The following CRISPLD2 variants were observed in gnomAD, a reference collection of about 807,000 sequenced individuals.
CRISPLD2 encodes cysteine-rich secretory protein LCCL domain-containing 2.
In CRISPLD2, 47 loss-of-function variants were observed where a neutral mutation model predicts 71.1. That is an observed-to-expected ratio of 0.66 (90% CI 0.52 to 0.84). The LOEUF (loss-of-function observed/expected upper bound fraction) is 0.84, where lower values mean the gene tolerates loss of function less well. Among genes scored for constraint, CRISPLD2 ranks in the 40% least tolerant of loss-of-function variants. CRISPLD2 has a pLI of 0.00. For synonymous variants in CRISPLD2, 317 were observed against 250.1 expected (o/e 1.27, Z -2.52); for missense variants, 830 against 651.1 (o/e 1.27, Z -2.99).
intron 13 of CRISPLD2, among the ~76,000 whole-genome samples, chr16:84,882,050 A>G (rs865778405): frequency 1.3e-5 from 2 of 152,296 alleles, no homozygotes; most frequent in Middle Eastern, 3.4e-3. Flanking sequence ...TGAAGGAGTA[A>G]AATAATATTG....
At chr16:84,876,892 CTG>C (rs566278927) in intron 11 of CRISPLD2, among the ~76,000 whole-genome samples, 138 of 152,332 alleles carry the variant, frequency 9.1e-4, no homozygotes, top group African/African-American at 3.1e-3. Context: ...GTTTCCTTAC[CTG>C]TGTTGTTTAA....
chr16:84,847,791 C>T (rs1359552189), intron 3 of CRISPLD2, among the ~76,000 whole-genome samples: 1 of 152,172 alleles, frequency 6.6e-6, no homozygotes, highest in Non-Finnish European at 1.5e-5. Context: ...CGTAGTTTTA[C>T]AGCATTGAGA....
rs2071803435 is a variant in CRISPLD2, at chr16:84,906,490, G to A, written c.1440-98G>A. 2.4e-6 allele frequency: 3 copies of A among 1,258,454 alleles called. No individual in the cohort carries two copies. In the Admixed American group the frequency reaches 5.7e-5, roughly 24 times the overall value. 78.0% of individuals were successfully genotyped at this position (1,258,454 alleles called of 1,614,324 possible). On this transcript the variant is annotated intron_variant, in intron 14 of 14. Coordinates refer to ENST00000262424, the MANE Select transcript of CRISPLD2 (RefSeq NM_031476.4). ...TGGCCATGGCTCTTCCACTACGGGA[G>A]CAAGCAGGAGGCACCCAGGTCTCCC...
chr16:84,833,724 TG>T (rs1043561276), intron 1 of CRISPLD2, among the ~76,000 whole-genome samples: 2 of 151,942 alleles, frequency 1.3e-5, no homozygotes, highest in Admixed American at 6.6e-5. Flanking sequence ...CCGATGGTGG[TG>T]GGGGGGCGTG....
At chr16:84,868,966 G>T (rs1917618660) in intron 8 of CRISPLD2, 55 bp downstream of exon 8, 1 of 1,470,306 alleles carries the variant, frequency 6.8e-7, no homozygotes, top group African/African-American at 1.4e-5. Flanking sequence ...GTGCTGGGCT[G>T]TCCTACCACT....
chr16:84,860,664 T>A (rs1917354574), intron 6 of CRISPLD2, among the ~76,000 whole-genome samples: 1 of 152,218 alleles, frequency 6.6e-6, no homozygotes, highest in African/African-American at 2.4e-5. Context: ...AAAAGGTTTA[T>A]CAGCATTTAC....
intron 14 of CRISPLD2, among the ~76,000 whole-genome samples, chr16:84,892,912 G>A (rs557644100): frequency 6.7e-6 from 1 of 148,480 alleles, no homozygotes; most frequent in African/African-American, 2.5e-5. Context: ...GGAGGCGGAG[G>A]TTGCACTGAG....
chr16:84,900,095 C>T (rs1368364175), intron 14 of CRISPLD2, among the ~76,000 whole-genome samples: 2 of 152,160 alleles, frequency 1.3e-5, no homozygotes, highest in Admixed American at 1.3e-4. Context: ...TCTTTCTCCT[C>T]CTCTTGGTCC....
intron 13 of CRISPLD2, 133 bp downstream of exon 13, chr16:84,880,717 T>TAATC: frequency 1.7e-6 from 1 of 596,374 alleles, no homozygotes; most frequent in Non-Finnish European, 2.9e-6. Context: ...ATTAATTAAT[T>TAATC]AATTTCGAGA....
At chr16:84,825,956 CA>C (rs954892336) in intron 1 of CRISPLD2, among the ~76,000 whole-genome samples, 247 of 139,830 alleles carry the variant, frequency 1.8e-3, no homozygotes, top group Non-Finnish European at 2.2e-3. Context: ...GACCCTGTCT[CA>C]AAAAAAAAAA....
At chr16:84,897,218 A>T (rs2143372858) in intron 14 of CRISPLD2, among the ~76,000 whole-genome samples, 1 of 151,308 alleles carries the variant, frequency 6.6e-6, no homozygotes, top group Non-Finnish European at 1.5e-5. Flanking sequence ...CTGAGGTGGG[A>T]GGATCACATG....
chr16:84,850,859 G>A (rs965867894), intron 5 of CRISPLD2, among the ~76,000 whole-genome samples, 176 bp downstream of exon 5: 4 of 152,206 alleles, frequency 2.6e-5, no homozygotes, highest in East Asian at 1.9e-4. Flanking sequence ...ACAAGGACTC[G>A]GGTTCTTTCC....
chr16:84,835,080 T>C (rs1160448763), intron 1 of CRISPLD2, among the ~76,000 whole-genome samples: 1 of 151,876 alleles, frequency 6.6e-6, no homozygotes, highest in African/African-American at 2.4e-5. Context: ...GGCCCTTTTA[T>C]GGTTACTTTT....
chr16:84,897,645 T>TTC (rs1287393771), intron 14 of CRISPLD2, among the ~76,000 whole-genome samples: 2 of 152,110 alleles, frequency 1.3e-5, no homozygotes, highest in African/African-American at 4.8e-5. Flanking sequence ...GTTTCAGAGT[T>TTC]TCGCTGTTTT....
At chr16:84,854,901 A>C in intron 6 of CRISPLD2, 72 bp downstream of exon 6, 2 of 1,187,676 alleles carry the variant, frequency 1.7e-6, no homozygotes, top group South Asian at 2.4e-5. Context: ...GCGTTACATG[A>C]AACAGGGGAA....
chr16:84,880,651 A>G lies in CRISPLD2; in HGVS notation c.1305+67A>G, dbSNP rs531569332. 91 of 1,192,510 alleles carry G rather than the reference A, an allele frequency of 7.6e-5. 3 individuals carry two copies. The South Asian group carries it at 1.1e-3, about 14-fold the overall frequency. The allele number at this position is 1,192,510 out of a possible 1,614,324, so 73.9% of individuals were successfully genotyped here. A position where few individuals can be genotyped will look rare whatever the true frequency, so the allele number is the denominator to read the frequency against. ...TTAAAGACCTCAACATGCAAGCTCC[A>G]AGATCTGGATACTTGAAACTTTATT... On this transcript the variant is annotated intron_variant, in intron 13 of 14. Coordinates refer to ENST00000262424, the MANE Select transcript of CRISPLD2 (RefSeq NM_031476.4).
intron 12 of CRISPLD2, 82 bp from the exon 13 acceptor site, chr16:84,880,427 G>A (rs2071558034): frequency 3.7e-6 from 4 of 1,093,346 alleles, no homozygotes; most frequent in South Asian, 1.7e-5. Context: ...CTTAAATCTT[G>A]GAATTCAAAT....
At chr16:84,899,945 C>A (rs973965704) in intron 14 of CRISPLD2, among the ~76,000 whole-genome samples, 2 of 152,128 alleles carry the variant, frequency 1.3e-5, no homozygotes, top group East Asian at 1.9e-4. Flanking sequence ...AACTTGTGGC[C>A]CTGGTTGGTT....
chr16:84,874,692 T>C (rs572976878), intron 11 of CRISPLD2, among the ~76,000 whole-genome samples: 2 of 152,254 alleles, frequency 1.3e-5, no homozygotes, highest in South Asian at 2.1e-4. Flanking sequence ...TATTAAAATA[T>C]GTAGTAGTTT....
Sources: allele counts gnomAD v4.1 joint callset (sites outside exome capture counted in the v4.1 genomes callset), GRCh38; gene constraint gnomAD v4.1.1; transcripts MANE v1.5; gene names NCBI Gene and HGNC (gene_info 2026-07-23, HGNC 2026-07-21).